ZNF721: variants seen among roughly 807,000 people sequenced by gnomAD.
ZNF721 encodes the protein zinc finger protein 721.
Under a neutral mutation model 2.4 loss-of-function variants are expected in ZNF721, and 2 were observed. The ratio of observed to expected loss-of-function variants is 0.82; its 90% CI spans 0.34 to 2.58. The LOEUF (loss-of-function observed/expected upper bound fraction) is 2.58. Among genes scored for constraint, ZNF721 ranks in the 30% most tolerant of loss-of-function variants. ZNF721 has a pLI of 0.11. For missense variants in ZNF721, 1,187 were observed against 1,085.5 expected, an observed-to-expected ratio of 1.09 and a Z score of -1.31; for synonymous variants, 398 against 381.8, an observed-to-expected ratio of 1.04 and a Z score of -0.50.
At chr4:459,365 T>A (rs142863240) in intron 2 of ZNF721, among the ~76,000 whole-genome samples, 69 of 151,714 alleles carry the variant, frequency 4.5e-4, no homozygotes, top group African/African-American at 1.6e-3. Flanking sequence ...AAAATTAGAG[T>A]CAAGACCCAT....
At chr4:453,437 C>G (rs1482736460) in intron 2 of ZNF721, 1 of 152,240 alleles carries the variant, frequency 6.6e-6, no homozygotes, top group East Asian at 1.9e-4. Context: ...GCTCATGCAT[C>G]TCTGTTTTCT....
At chr4:461,782 A>T (rs1715079752) in intron 2 of ZNF721, among the ~76,000 whole-genome samples, 1 of 152,234 alleles carries the variant, frequency 6.6e-6, no homozygotes, top group Non-Finnish European at 1.5e-5. Flanking sequence ...CTGAGGCAGG[A>T]GAATTGCATG....
At chr4:485,157 G>A (rs1376133538) in intron 1 of ZNF721, among the ~76,000 whole-genome samples, 1 of 152,158 alleles carries the variant, frequency 6.6e-6, no homozygotes, top group Non-Finnish European at 1.5e-5. Context: ...ACAGGTGTGA[G>A]CTACCACGCC....
intron 1 of ZNF721, among the ~76,000 whole-genome samples, chr4:482,908 G>C (rs1305766518): frequency 6.6e-6 from 1 of 152,150 alleles, no homozygotes. Context: ...CAGATATATT[G>C]TATCAAAATC....
intron 1 of ZNF721, among the ~76,000 whole-genome samples, chr4:492,728 G>T (rs1288987373): frequency 6.8e-6 from 1 of 146,470 alleles, no homozygotes; most frequent in Admixed American, 6.8e-5. Context: ...TTTTATTCTA[G>T]GTCTAAATTT....
intron 1 of ZNF721, among the ~76,000 whole-genome samples, chr4:486,136 T>C (rs1715889576): frequency 6.6e-6 from 1 of 150,766 alleles, no homozygotes; most frequent in African/African-American, 2.4e-5. Context: ...AATGCATTGG[T>C]TGAGTGTGAT....
intron 1 of ZNF721, among the ~76,000 whole-genome samples, chr4:482,456 C>T (rs1553869681): frequency 2.6e-5 from 4 of 152,040 alleles, no homozygotes; most frequent in Admixed American, 2.0e-4. Flanking sequence ...TGAGCCACCG[C>T]GCCCGGCCCA....
intron 1 of ZNF721, among the ~76,000 whole-genome samples, chr4:486,910 T>C (rs1309957729): frequency 2.6e-5 from 4 of 152,152 alleles, no homozygotes; most frequent in African/African-American, 9.7e-5. Context: ...TGGGATGACA[T>C]TCTCAAAAAA....
intron 2 of ZNF721, among the ~76,000 whole-genome samples, chr4:456,329 C>T (rs746978049): frequency 1.3e-5 from 2 of 152,022 alleles, no homozygotes; most frequent in Non-Finnish European, 2.9e-5. Context: ...CTCAGCCTCC[C>T]GAAGTGCTGG....
At position 448,442 on chromosome 4, in the gene ZNF721, C is replaced by A. The variant is rs11941252; in HGVS notation, c.35-4010G>T. Among the ~76,000 whole-genome samples the A allele has an allele frequency of 6.1e-3, 744 of 122,974 alleles. 8 individuals are homozygous for A. Among genetic ancestry groups the A allele is most frequent in the African/African-American group, 0.02 (605 of 30,440 alleles). The allele number at this position is 122,974 out of a possible 152,430, so 80.7% of individuals were successfully genotyped here. ...CAGAGCAGGAATCCGTATCCCCCCC[C>A]AAAAAAAAAAAAAAATTACATACTT... On this transcript the variant is annotated intron_variant, in intron 2 of 2. Transcript: ENST00000511833.
At chr4:489,339 G>A (rs1172847059) in intron 1 of ZNF721, among the ~76,000 whole-genome samples, 5 of 152,086 alleles carry the variant, frequency 3.3e-5, no homozygotes, top group Non-Finnish European at 4.4e-5. Flanking sequence ...CTGGCAACCC[G>A]CTTTCATGTC....
rs782723539 is a variant in ZNF721 at position 443,892 on chromosome 4, GCTTT to G, written c.571_574del (p.Lys191LeufsTer17). 6.2e-7 allele frequency: 1 copy of G among 1,614,018 alleles called. No homozygotes were observed. Among genetic ancestry groups the G allele is most frequent in the Admixed American group, 1.7e-5 (1 of 60,010 alleles). ...TCTGTCACGATCTTCACCTGTGTAAGCTTTCTCTCTGTTGTGAATTCTCTTATGT... is the reference window on the plus strand; with the variant it reads ...TCTGTCACGATCTTCACCTGTGTAAGCTCTCTGTTGTGAATTCTCTTATGT... On this transcript the variant is annotated frameshift_variant, in exon 3 of 3. Transcript: ENST00000511833. LOFTEE classifies it low-confidence loss of function (END_TRUNC).
intron 2 of ZNF721, among the ~76,000 whole-genome samples, chr4:446,229 C>T (rs77195190): frequency 0.015 from 2,237 of 151,956 alleles, 57 homozygotes; most frequent in African/African-American, 0.049. Flanking sequence ...CCTAATAGTG[C>T]GGAAAACATT....
At chr4:465,759 T>C (rs1207316061) in intron 2 of ZNF721, among the ~76,000 whole-genome samples, 1 of 150,794 alleles carries the variant, frequency 6.6e-6, no homozygotes, top group Non-Finnish European at 1.5e-5. Context: ...AATTATGAGA[T>C]ATTTTATGTC....
intron 2 of ZNF721, among the ~76,000 whole-genome samples, chr4:465,142 G>A (rs923594573): frequency 6.6e-5 from 10 of 150,872 alleles, no homozygotes; most frequent in Non-Finnish European, 1.2e-4. Flanking sequence ...TAGCACTTTG[G>A]GAGGCCATGG....
chr4:459,604 A>G (rs1265630267), intron 2 of ZNF721, among the ~76,000 whole-genome samples: 2 of 152,226 alleles, frequency 1.3e-5, no homozygotes, highest in African/African-American at 2.4e-5. Flanking sequence ...GCCGAGGTGG[A>G]CAGATCACGA....
At chr4:449,040 T>G (rs1553864512) in intron 2 of ZNF721, among the ~76,000 whole-genome samples, 1 of 152,138 alleles carries the variant, frequency 6.6e-6, no homozygotes, top group Non-Finnish European at 1.5e-5. Context: ...GACTTTAAAA[T>G]AAAAAGCAGA....
chr4:444,167 C>CTTA lies in ZNF721; in HGVS notation c.297_299dup (p.Asp99_Lys100insAsn). The CTTA allele has an allele frequency of 6.2e-7, 1 of 1,613,974 alleles. No individual in the cohort carries two copies. On this transcript the variant is annotated inframe_insertion, in exon 3 of 3. Transcript: ENST00000511833. ...AGTGTTTCTCTCCAGTATGTCTTGT[C>CTTA]TTATCTTTGTTTGAATTTGCAAATT...
chr4:494,348 AT>A (rs200096546), intron 1 of ZNF721, among the ~76,000 whole-genome samples: 117 of 147,490 alleles, frequency 7.9e-4, no homozygotes, highest in African/African-American at 8.9e-4. Flanking sequence ...TGCCCATCTA[AT>A]TTTTTTTTTT....
Sources: gnomAD v4.1 joint callset for allele counts (sites outside exome capture counted in the v4.1 genomes callset) on GRCh38, gnomAD v4.1.1 for gene constraint, MANE v1.5 for transcripts, NCBI Gene and HGNC (gene_info 2026-07-23, HGNC 2026-07-21) for gene names.